LPP: variants seen among roughly 807,000 people sequenced by gnomAD.
The protein encoded by LPP is lipoma-preferred partner.
Under a neutral mutation model 60.4 loss-of-function variants are expected in LPP, and 38 were observed. The observed-to-expected ratio is 0.63, with a 90% confidence interval of 0.49 to 0.83. LPP has a LOEUF of 0.83. Ranked by LOEUF, LPP falls within the 40% of genes least tolerant of loss-of-function variation. The probability of loss-of-function intolerance (pLI) is 0.00; values close to 1 mark genes in which losing one functional copy is unlikely to be tolerated. For synonymous variants in LPP, 328 were observed against 290.8 expected, an observed-to-expected ratio of 1.13 and a Z score of -1.30; for missense variants, 902 against 783.6, an observed-to-expected ratio of 1.15 and a Z score of -1.80.
chr3:188,669,792 A>C (rs1247855497), intron 7 of LPP, among the ~76,000 whole-genome samples: 1 of 152,210 alleles, frequency 6.6e-6, no homozygotes, highest in Non-Finnish European at 1.5e-5. Context: ...TACTATAAAG[A>C]CACATGCAGA....
Position 188,759,971 on chromosome 3 carries a change from G to A in LPP, c.1241-142G>A, listed in dbSNP as rs1577383971. 2.0e-5 allele frequency: 13 copies of A among 653,434 alleles called. No homozygotes were observed. The East Asian group carries it at 3.6e-4, about 18-fold the overall frequency. 40.5% of individuals were successfully genotyped at this position (653,434 alleles called of 1,614,324 possible). ...GTACTGGTGATCTTGCTGGGGTAATGGGGTAATAGTACTGGGGTAATGACG... is the reference window on the plus strand; with the variant it reads ...GTACTGGTGATCTTGCTGGGGTAATAGGGTAATAGTACTGGGGTAATGACG... On this transcript the variant is annotated intron_variant, in intron 8 of 11. Coordinates refer to ENST00000617246, the MANE Select transcript of LPP (RefSeq NM_001375462.1).
chr3:188,498,746 C>G (rs921738942), intron 5 of LPP, among the ~76,000 whole-genome samples: 6 of 152,196 alleles, frequency 3.9e-5, no homozygotes, highest in Admixed American at 3.9e-4. Context: ...CCATTTTCCA[C>G]AGCAGCTGTA....
chr3:188,873,335 A>G (rs748788189), intron 11 of LPP, among the ~76,000 whole-genome samples: 1 of 152,216 alleles, frequency 6.6e-6, no homozygotes, highest in African/African-American at 2.4e-5. Context: ...CATGAACTCC[A>G]TTGACCTCCT....
At chr3:188,718,857 C>G (rs1010034122) in intron 8 of LPP, among the ~76,000 whole-genome samples, 2 of 152,114 alleles carry the variant, frequency 1.3e-5, no homozygotes, top group Non-Finnish European at 2.9e-5. Context: ...AACGTTAGAG[C>G]TGGAGGGAAT....
At chr3:188,772,236 T>C (rs1464429502) in intron 9 of LPP, among the ~76,000 whole-genome samples, 2 of 152,216 alleles carry the variant, frequency 1.3e-5, no homozygotes, top group African/African-American at 2.4e-5. Flanking sequence ...TATGGAGGTT[T>C]CTCTGTCTAT....
chr3:188,274,742 C>T (rs1739053210), intron 2 of LPP, among the ~76,000 whole-genome samples: 1 of 152,198 alleles, frequency 6.6e-6, no homozygotes, highest in African/African-American at 2.4e-5. Context: ...GGCACAGCCA[C>T]ACAAAGAAGT....
intron 4 of LPP, among the ~76,000 whole-genome samples, chr3:188,458,831 C>T (rs180705948): frequency 1.3e-5 from 2 of 151,176 alleles, no homozygotes; most frequent in South Asian, 2.1e-4. Flanking sequence ...TTAAAGAATG[C>T]AGTGTGGGTT....
chr3:188,222,386 T>G (rs2149295194), intron 1 of LPP, among the ~76,000 whole-genome samples: 1 of 152,314 alleles, frequency 6.6e-6, no homozygotes. Flanking sequence ...TGAACGTGAA[T>G]TAGTGCATAT....
At chr3:188,658,289 C>G (rs1392167921) in intron 7 of LPP, among the ~76,000 whole-genome samples, 1 of 152,072 alleles carries the variant, frequency 6.6e-6, no homozygotes, top group Non-Finnish European at 1.5e-5. Flanking sequence ...GGATTACAGG[C>G]ACCTGCCACC....
intron 6 of LPP, among the ~76,000 whole-genome samples, chr3:188,567,999 T>TG: frequency 6.6e-6 from 1 of 152,112 alleles, no homozygotes; most frequent in East Asian, 1.9e-4. Flanking sequence ...GCATTCTTTG[T>TG]GATCCTATTT....
At chr3:188,665,382 TTGTC>T (rs985590143) in intron 7 of LPP, among the ~76,000 whole-genome samples, 2 of 152,122 alleles carry the variant, frequency 1.3e-5, no homozygotes, top group African/African-American at 4.8e-5. Flanking sequence ...TTCTATGTGT[TTGTC>T]TGAGTAGTTG....
At chr3:188,692,313 C>T (rs1396427326) in intron 7 of LPP, among the ~76,000 whole-genome samples, 1 of 152,168 alleles carries the variant, frequency 6.6e-6, no homozygotes, top group East Asian at 1.9e-4. Context: ...TCATGCACAG[C>T]ACAGACAATG....
intron 4 of LPP, among the ~76,000 whole-genome samples, chr3:188,434,840 A>G (rs1560400772): frequency 6.6e-6 from 1 of 152,216 alleles, no homozygotes; most frequent in African/African-American, 2.4e-5. Flanking sequence ...TGGAATTTAT[A>G]GCTGGATGGG....
rs1743688701 is a variant in LPP, at chr3:188,791,382, GCT to G, written c.1410+31103_1410+31104del. Among the ~76,000 whole-genome samples the G allele has an allele frequency of 1.3e-5, 2 of 152,078 alleles. 1 individual carries two copies. The highest frequency in any genetic ancestry group is 4.1e-4 in the South Asian group (2 of 4,834). ...TCTTCAATGAGTCCCTCTTCCCAATGCTCTGTCTCTAGTTGTTCTGTATATAA... is the reference window on the plus strand; with the variant it reads ...TCTTCAATGAGTCCCTCTTCCCAATGCTGTCTCTAGTTGTTCTGTATATAA... On this transcript the variant is annotated intron_variant, in intron 9 of 11. Transcript: ENST00000617246.
intron 8 of LPP, among the ~76,000 whole-genome samples, chr3:188,745,743 C>T (rs1725946362): frequency 6.6e-6 from 1 of 152,124 alleles, no homozygotes; most frequent in Non-Finnish European, 1.5e-5. Flanking sequence ...CTAAGGGGCT[C>T]CAGGCAATCA....
At chr3:188,715,117 T>C (rs577674054) in intron 8 of LPP, among the ~76,000 whole-genome samples, 1 of 152,166 alleles carries the variant, frequency 6.6e-6, no homozygotes, top group South Asian at 2.1e-4. Context: ...GGGTGGCTCA[T>C]GCCTGTAATC....
chr3:188,524,430 G>A (rs555394852), intron 5 of LPP, among the ~76,000 whole-genome samples: 42 of 152,120 alleles, frequency 2.8e-4, no homozygotes, highest in African/African-American at 1.0e-3. Context: ...CGACAAAACT[G>A]CTAAATAAGT....
At chr3:188,803,465 T>TA (rs1231417984) in intron 9 of LPP, among the ~76,000 whole-genome samples, 1 of 152,238 alleles carries the variant, frequency 6.6e-6, no homozygotes, top group East Asian at 1.9e-4. Flanking sequence ...TTAGGTGTTT[T>TA]ATTGTTTTGA....
intron 1 of LPP, among the ~76,000 whole-genome samples, chr3:188,170,836 A>T (rs986432148): frequency 2.0e-5 from 3 of 152,152 alleles, no homozygotes; most frequent in Admixed American, 2.0e-4. Flanking sequence ...TCCTGGAAAG[A>T]CATCTACTTC....
Sources: allele counts gnomAD v4.1 joint callset (sites outside exome capture counted in the v4.1 genomes callset), GRCh38; gene constraint gnomAD v4.1.1; transcripts MANE v1.5; gene names NCBI Gene and HGNC (gene_info 2026-07-23, HGNC 2026-07-21).